The following XRCC1 variants were observed in gnomAD, a reference collection of about 807,000 sequenced individuals.
The protein encoded by XRCC1 is X-ray repair cross complementing 1.
In XRCC1, 52 loss-of-function variants were observed where a neutral mutation model predicts 83.3. That is an observed-to-expected ratio of 0.62 (90% CI 0.50 to 0.79). XRCC1 has a LOEUF of 0.79. Ranked by LOEUF, XRCC1 falls within the 30% of genes least tolerant of loss-of-function variation. XRCC1 has a pLI of 0.00. For synonymous variants in XRCC1, 281 were observed against 312.6 expected (o/e 0.90, Z 1.07); for missense variants, 793 against 823.5 (o/e 0.96, Z 0.45).
chr19:43,548,766 C>CAAAAAAAAAAAAAAAAAAAA (rs60740505), intron 10 of XRCC1, among the ~76,000 whole-genome samples: 29 of 64,572 alleles, frequency 4.5e-4, no homozygotes, highest in Non-Finnish European at 6.4e-4. Context: ...CAAGAATGAT[C>CAAAAAAAAAAAAAAAAAAAA]AAAAAAAAAA....
chr19:43,544,909 C>T (rs767448144), intron 14 of XRCC1, among the ~76,000 whole-genome samples: 9 of 152,124 alleles, frequency 5.9e-5, no homozygotes, highest in Non-Finnish European at 8.8e-5. Context: ...CCTCCCACCT[C>T]GGCCTCTCAA....
intron 10 of XRCC1, among the ~76,000 whole-genome samples, chr19:43,549,385 G>GAGTA (rs1972553472): frequency 6.6e-6 from 1 of 152,050 alleles, no homozygotes; most frequent in Non-Finnish European, 1.5e-5. Context: ...TCAGCCTCTA[G>GAGTA]AGTAGCTGGG....
chr19:43,574,197 T>A (rs911583101), intron 2 of XRCC1, among the ~76,000 whole-genome samples: 3 of 151,990 alleles, frequency 2.0e-5, no homozygotes, highest in African/African-American at 7.3e-5. Flanking sequence ...CACCTCAGAC[T>A]CGCCAGTAGC....
intron 4 of XRCC1, among the ~76,000 whole-genome samples, chr19:43,554,413 T>A (rs1972613980): frequency 6.6e-6 from 1 of 150,810 alleles, no homozygotes; most frequent in South Asian, 2.1e-4. Flanking sequence ...CCTCCTCCGA[T>A]TCCCCTCTGA....
At position 43,543,620 on chromosome 19, in the gene XRCC1, AG is replaced by A. The variant is rs760018766; in HGVS notation, c.1779del (p.Phe594LeufsTer5). The A allele has an allele frequency of 3.7e-6, 6 of 1,613,746 alleles. No homozygotes were observed. The South Asian group carries it at 6.6e-5, about 18-fold the overall frequency. Reference protein sequence around the residue: ...FVITAQEWDPSFEEALMDNPS... With the variant: ...FVITAQEWDPXFEEALMDNPS... ...GCCTCTTTGGTACTCACCTCCTCAA[AG>A]CTGGGATCCCATTCCTGTGCTGTGA... On this transcript the variant is annotated frameshift_variant, in exon 16 of 17. Transcript: ENST00000262887. LOFTEE classifies it high-confidence loss of function.
At chr19:43,566,619 C>T (rs1435022917) in intron 2 of XRCC1, among the ~76,000 whole-genome samples, 7 of 151,726 alleles carry the variant, frequency 4.6e-5, no homozygotes, top group Non-Finnish European at 1.0e-4. Flanking sequence ...TGGCTCACGC[C>T]TGTAATCCCA....
At chr19:43,547,390 T>A (rs1972523600) in intron 10 of XRCC1, among the ~76,000 whole-genome samples, 1 of 151,936 alleles carries the variant, frequency 6.6e-6, no homozygotes, top group South Asian at 2.1e-4. Context: ...TTCACCATGT[T>A]GGCCAGGATG....
intron 15 of XRCC1, 74 bp from the exon 16 acceptor site, chr19:43,543,761 T>A: frequency 3.6e-6 from 5 of 1,371,676 alleles, no homozygotes; most frequent in Non-Finnish European, 5.2e-6. Flanking sequence ...CCAGCCACTC[T>A]CAATGGCTGT....
intron 2 of XRCC1, among the ~76,000 whole-genome samples, chr19:43,572,372 T>C (rs193285560): frequency 1.1e-4 from 16 of 152,340 alleles, no homozygotes; most frequent in African/African-American, 3.8e-4. Context: ...TTGGATGTCA[T>C]TATTCCCAAT....
chr19:43,550,388 T>C (rs1972563178), intron 10 of XRCC1, among the ~76,000 whole-genome samples: 1 of 152,154 alleles, frequency 6.6e-6, no homozygotes, highest in Middle Eastern at 3.2e-3. Context: ...CTAGAGATGT[T>C]TGGATTCCTG....
intron 3 of XRCC1, among the ~76,000 whole-genome samples, chr19:43,558,977 A>T (rs951423543): frequency 9.2e-5 from 14 of 151,894 alleles, no homozygotes; most frequent in Non-Finnish European, 1.8e-4. Flanking sequence ...TTTCTACAAA[A>T]AATTTTTTAA....
At chr19:43,553,858 G>GAGCCCTAACTCTGAGTCTGGCTCCA (rs1972608374) in intron 4 of XRCC1, 175 bp from the exon 5 acceptor site, 1 of 548,248 alleles carries the variant, frequency 1.8e-6, no homozygotes, top group Non-Finnish European at 3.2e-6. Flanking sequence ...TGTTATGACT[G>GAGCCCTAACTCTGAGTCTGGCTCCA]AGCCCTAACT....
chr19:43,550,181 G>A (rs1182011540), intron 10 of XRCC1, among the ~76,000 whole-genome samples: 2 of 152,000 alleles, frequency 1.3e-5, no homozygotes, highest in African/African-American at 4.8e-5. Flanking sequence ...CAAATGGCTG[G>A]CATACAGATT....
intron 8 of XRCC1, 134 bp from the exon 9 acceptor site, chr19:43,552,409 C>G (rs1376947555): frequency 1.3e-5 from 9 of 692,916 alleles, no homozygotes; most frequent in Admixed American, 1.1e-4. Flanking sequence ...AGCCCCTCCC[C>G]CCTCAGACCC....
intron 2 of XRCC1, among the ~76,000 whole-genome samples, chr19:43,564,720 G>A (rs572955805): frequency 2.6e-5 from 4 of 151,172 alleles, no homozygotes; most frequent in African/African-American, 7.3e-5. Context: ...CCGGGGGGGC[G>A]GAGGTTGCAG....
At chr19:43,568,633 T>A (rs1056043557) in intron 2 of XRCC1, among the ~76,000 whole-genome samples, 2 of 151,588 alleles carry the variant, frequency 1.3e-5, no homozygotes, top group Admixed American at 6.7e-5. Flanking sequence ...ATGAATTTTT[T>A]AAAAAGGGAT....
At chr19:43,554,902 G>T in intron 3 of XRCC1, 98 bp from the exon 4 acceptor site, 6 of 1,356,210 alleles carry the variant, frequency 4.4e-6, no homozygotes, top group Non-Finnish European at 6.1e-6. Flanking sequence ...CCACACAGGG[G>T]ACTGGGAGTC....
At chr19:43,558,663 T>C (rs1972664330) in intron 3 of XRCC1, among the ~76,000 whole-genome samples, 1 of 150,960 alleles carries the variant, frequency 6.6e-6, no homozygotes, top group Admixed American at 6.6e-5. Context: ...TAAATACATA[T>C]ATACATAAAT....
chr19:43,546,539 C>G, intron 12 of XRCC1, 56 bp downstream of exon 12: 1 of 1,563,560 alleles, frequency 6.4e-7, no homozygotes, highest in Non-Finnish European at 8.6e-7. Flanking sequence ...GCCGCAGGCC[C>G]TCCTCCCTCA....
Sources: gnomAD v4.1 joint callset for allele counts (sites outside exome capture counted in the v4.1 genomes callset) on GRCh38, gnomAD v4.1.1 for gene constraint, MANE v1.5 for transcripts, NCBI Gene and HGNC (gene_info 2026-07-23, HGNC 2026-07-21) for gene names.